Variants in PRR5L observed in about 807,000 individuals in gnomAD.
PRR5L encodes the protein proline rich 5 like, also known as proline-rich protein 5-like.
A neutral mutation model predicts 36.4 loss-of-function variants in PRR5L; 21 were observed. The observed-to-expected ratio is 0.58, with a 90% CI of 0.41 to 0.83. The LOEUF is 0.83. Among genes scored for constraint, PRR5L ranks in the 40% least tolerant of loss-of-function variants. The probability of loss-of-function intolerance (pLI) is 0.00; values close to 1 mark genes in which losing one functional copy is unlikely to be tolerated. For missense variants in PRR5L, 381 were observed against 473.3 expected, an observed-to-expected ratio of 0.80 and a Z score of 1.81; for synonymous variants, 188 against 197.0, an observed-to-expected ratio of 0.95 and a Z score of 0.38.
intron 1 of PRR5L, among the ~76,000 whole-genome samples, chr11:36,313,990 A>T (rs1005964036): frequency 6.6e-6 from 1 of 152,168 alleles, no homozygotes; most frequent in African/African-American, 2.4e-5. Flanking sequence ...TGACCTAGTT[A>T]TTTAAATTCC....
intron 1 of PRR5L, among the ~76,000 whole-genome samples, chr11:36,339,031 T>C (rs1856794332): frequency 6.6e-6 from 1 of 152,208 alleles, no homozygotes; most frequent in Admixed American, 6.5e-5. Flanking sequence ...GCCACCACCA[T>C]GTAAGAAGTA....
intron 1 of PRR5L, among the ~76,000 whole-genome samples, chr11:36,385,064 A>G (rs1379131965): frequency 6.6e-6 from 1 of 152,230 alleles, no homozygotes. Flanking sequence ...ATTTTAATCT[A>G]GAGCACATTT....
chr11:36,351,728 T>TTATATA (rs1856974922), intron 1 of PRR5L, among the ~76,000 whole-genome samples: 7 of 104,880 alleles, frequency 6.7e-5, no homozygotes, highest in African/African-American at 7.6e-5. Context: ...TTTATATATT[T>TTATATA]TTTATATATT....
intron 1 of PRR5L, among the ~76,000 whole-genome samples, chr11:36,349,696 A>C (rs916848377): frequency 1.3e-5 from 2 of 152,190 alleles, no homozygotes; most frequent in African/African-American, 4.8e-5. Context: ...CATTGTAAGC[A>C]CACAGATGTA....
chr11:36,359,260 T>A (rs75581849), intron 1 of PRR5L, among the ~76,000 whole-genome samples: 1 of 152,182 alleles, frequency 6.6e-6, no homozygotes, highest in African/African-American at 2.4e-5. Context: ...TGTTCTGCCA[T>A]TTTAGGTGAA....
chr11:36,307,202 C>T (rs953657794), intron 1 of PRR5L, among the ~76,000 whole-genome samples: 8 of 152,184 alleles, frequency 5.3e-5, no homozygotes, highest in African/African-American at 1.9e-4. Flanking sequence ...TTCCCCCTTC[C>T]CAGCTACTAG....
intron 1 of PRR5L, among the ~76,000 whole-genome samples, chr11:36,372,075 T>A (rs1857203877): frequency 3.3e-5 from 5 of 151,994 alleles, no homozygotes; most frequent in Admixed American, 2.0e-4. Context: ...TAAAAAAAAA[T>A]AATAATAAAA....
Position 36,384,051 on chromosome 11 carries a change from A to G in PRR5L, c.-125-16946A>G, listed in dbSNP as rs192709219. Among the ~76,000 whole-genome samples the G allele has an allele frequency of 2.7e-3, 414 of 152,294 alleles. 3 individuals carry two copies. The highest frequency in any genetic ancestry group is 9.6e-3 in the African/African-American group (397 of 41,556). ...GGCTCATCTTTGTGGCAAGAGTAGT[A>G]GGTACTCCCTAGATATTTGTTGAAA... is the stretch of plus-strand genomic sequence containing the variant. On this transcript the variant is annotated intron_variant, in intron 1 of 8. Transcript: ENST00000530639.
rs1426254402 is a variant in PRR5L, at chr11:36,377,545, G to C, written c.-125-23452G>C. ...CCATTTTCCTTGAGGCCGCCGCCCG[G>C]GGTGGGACCAGGCTGTGTGCTTGCT... is the stretch of plus-strand genomic sequence containing the variant. On this transcript the variant is annotated intron_variant, in intron 1 of 8. Coordinates refer to ENST00000530639, the MANE Select transcript of PRR5L (RefSeq NM_001160167.2). The surrounding 1 kb of genome is among the most constrained non-coding windows in gnomAD (Gnocchi z 5.1). 1 of 152,456 alleles carries C rather than the reference G, an allele frequency of 6.6e-6. No individual in the cohort carries two copies. Among genetic ancestry groups the C allele is most frequent in the East Asian group, 1.9e-4 (1 of 5,186 alleles). The allele number at this position is 152,456 out of a possible 1,614,324, so 9.4% of individuals were successfully genotyped here.
At chr11:36,437,213 A>G (rs561330168) in intron 5 of PRR5L, among the ~76,000 whole-genome samples, 172 bp from the exon 6 acceptor site, 1 of 152,326 alleles carries the variant, frequency 6.6e-6, no homozygotes, top group African/African-American at 2.4e-5. Flanking sequence ...GCCTGGAATT[A>G]AGATCCTGTA....
chr11:36,417,994 A>T (rs140884719), intron 3 of PRR5L, among the ~76,000 whole-genome samples: 1 of 152,340 alleles, frequency 6.6e-6, no homozygotes, highest in East Asian at 1.9e-4. Flanking sequence ...GGATAGTTCC[A>T]TTATTTGTCA....
chr11:36,389,502 C>T (rs1857522526), intron 1 of PRR5L, among the ~76,000 whole-genome samples: 1 of 152,088 alleles, frequency 6.6e-6, no homozygotes. Flanking sequence ...AAATTCAGAG[C>T]CTATGAGGAA....
Position 36,397,725 on chromosome 11 carries a change from G to A in PRR5L, c.-125-3272G>A, listed in dbSNP as rs187309076. Among the ~76,000 whole-genome samples the A allele has an allele frequency of 9.4e-4, 143 of 151,874 alleles. 2 individuals are homozygous for A. Among genetic ancestry groups the A allele is most frequent in the Non-Finnish European group, 8.8e-5 (6 of 67,940 alleles). ...GCCTGCCTTGGCCGGGATTACAGACGTGAGTGACTGTGCCTGGCCTAGCCA... is the reference window on the plus strand; with the variant it reads ...GCCTGCCTTGGCCGGGATTACAGACATGAGTGACTGTGCCTGGCCTAGCCA... On this transcript the variant is annotated intron_variant, in intron 1 of 8. Coordinates refer to ENST00000530639, the MANE Select transcript of PRR5L (RefSeq NM_001160167.2).
At chr11:36,460,928 C>G (rs189041344) in intron 8 of PRR5L, among the ~76,000 whole-genome samples, 1 of 152,208 alleles carries the variant, frequency 6.6e-6, no homozygotes, top group Non-Finnish European at 1.5e-5. Flanking sequence ...ACCCCTTTAC[C>G]GCTTCTGGGA....
chr11:36,421,482 C>T (rs192258592), intron 4 of PRR5L, among the ~76,000 whole-genome samples: 11 of 152,210 alleles, frequency 7.2e-5, no homozygotes, highest in Admixed American at 3.3e-4. Flanking sequence ...AGTTTTAAAT[C>T]GAAGTTTATT....
At chr11:36,332,790 T>C (rs1334445539) in intron 1 of PRR5L, among the ~76,000 whole-genome samples, 1 of 152,184 alleles carries the variant, frequency 6.6e-6, no homozygotes, top group African/African-American at 2.4e-5. Flanking sequence ...CCATGTGATA[T>C]GCCTGCTCCC....
intron 4 of PRR5L, among the ~76,000 whole-genome samples, chr11:36,422,357 C>T (rs1382485416): frequency 6.6e-6 from 1 of 152,142 alleles, no homozygotes; most frequent in Non-Finnish European, 1.5e-5. Flanking sequence ...AGAAGGAAGG[C>T]CTGGAGACAG....
At chr11:36,439,234 T>C (rs1858670290) in intron 6 of PRR5L, among the ~76,000 whole-genome samples, 1 of 151,868 alleles carries the variant, frequency 6.6e-6, no homozygotes, top group Non-Finnish European at 1.5e-5. Context: ...TTCAGGCCAT[T>C]TGTGTAGGGA....
intron 1 of PRR5L, among the ~76,000 whole-genome samples, chr11:36,318,782 G>A (rs928209957): frequency 7.9e-5 from 12 of 152,108 alleles, no homozygotes; most frequent in Admixed American, 2.0e-4. Context: ...AAGAGAAATT[G>A]AGAGAAAGTT....
Sources: gnomAD v4.1 joint callset for allele counts (sites outside exome capture counted in the v4.1 genomes callset) on GRCh38, gnomAD v4.1.1 for gene constraint, Gnocchi (gnomAD v3.1) non-coding constraint, MANE v1.5 for transcripts, NCBI Gene and HGNC (gene_info 2026-07-23, HGNC 2026-07-21) for gene names.